The following PLEKHG3 variants were observed in gnomAD, a reference collection of about 807,000 sequenced individuals.
The protein encoded by PLEKHG3 is pleckstrin homology domain-containing family G member 3.
In PLEKHG3, 62 loss-of-function variants were observed where a neutral mutation model predicts 94.9. That is an observed-to-expected ratio of 0.65 (90% CI 0.53 to 0.81). The LOEUF (loss-of-function observed/expected upper bound fraction) is 0.81, where lower values mean the gene tolerates loss of function less well. Among genes scored for constraint, PLEKHG3 ranks in the 30% least tolerant of loss-of-function variants. The probability of loss-of-function intolerance (pLI) is 0.00; values close to 1 mark genes in which losing one functional copy is unlikely to be tolerated. For synonymous variants in PLEKHG3, 614 were observed against 654.0 expected, an observed-to-expected ratio of 0.94 and a Z score of 0.93; for missense variants, 1,461 against 1,619.3, an observed-to-expected ratio of 0.90 and a Z score of 1.68.
chr14:64,745,311 A>AGGTAGAGGCTTCAGGGCCTGGGT lies in PLEKHG3; in HGVS notation c.*1616_*1638dup, dbSNP rs2081814402. On this transcript the variant is annotated 3_prime_UTR_variant, in exon 17 of 17. Transcript: ENST00000247226. This position sits in a 1 kb window ranked among gnomAD's most constrained non-coding sequence, Gnocchi z 5.0. Reference sequence around the variant, plus strand: ...ATTTTTTTTCTAGCTGGGGCCTGGGAGGTAGAGGCTTCAGGGCCTGGGTGG... The same window carrying AGGTAGAGGCTTCAGGGCCTGGGT: ...ATTTTTTTTCTAGCTGGGGCCTGGGAGGTAGAGGCTTCAGGGCCTGGGTGGTAGAGGCTTCAGGGCCTGGGTGG... The AGGTAGAGGCTTCAGGGCCTGGGT allele has an allele frequency of 6.6e-6, 1 of 151,926 alleles. No individual in the cohort carries two copies. Among genetic ancestry groups the AGGTAGAGGCTTCAGGGCCTGGGT allele is most frequent in the African/African-American group, 2.4e-5 (1 of 41,272 alleles). The allele number at this position is 151,926 out of a possible 1,614,324, so 9.4% of individuals were successfully genotyped here.
At chr14:64,737,315 C>T (rs1371583488) in intron 13 of PLEKHG3, 41 bp from the exon 14 acceptor site, 1 of 1,572,956 alleles carries the variant, frequency 6.4e-7, no homozygotes, top group Non-Finnish European at 8.7e-7. Context: ...CTCCCCTGCC[C>T]CTCGCCCGTG....
In PLEKHG3 at chr14:64,727,869, A is replaced by G. The variant is rs772973755; in HGVS notation, c.238A>G (p.Ser80Gly). 1 of 1,613,396 alleles carries G rather than the reference A, an allele frequency of 6.2e-7. No individual in the cohort carries two copies. Among genetic ancestry groups the G allele is most frequent in the Non-Finnish European group, 8.5e-7 (1 of 1,179,568 alleles). ...NVKGPLSPFNSRAAAGPAHHK... is the reference protein window; with the variant it reads ...NVKGPLSPFNGRAAAGPAHHK... ...GAAGGGGCCCCTCTCCCCGTTCAAC[A>G]GCCGGGCAGCGGCAGGGCCTGCACA... is the stretch of plus-strand genomic sequence containing the variant. Residue 80 changes from serine to glycine, a missense_variant, in exon 2 of 17, where the codon AGC becomes GGC. Around this residue, in one of 3 missense-constraint regions of PLEKHG3, gnomAD observed 253 missense variants for 297.8 expected, o/e 0.85. Coordinates refer to ENST00000247226, the MANE Select transcript of PLEKHG3 (RefSeq NM_001308147.2). This position sits in a 1 kb window ranked among gnomAD's most constrained non-coding sequence, Gnocchi z 6.0.
At chr14:64,707,713 G>T (rs79404622) in intron 1 of PLEKHG3, among the ~76,000 whole-genome samples, 2 of 152,342 alleles carry the variant, frequency 1.3e-5, no homozygotes, top group East Asian at 1.9e-4. Context: ...TTTCTTCATC[G>T]CTGCCTTTTC....
Position 64,716,839 on chromosome 14 carries a change from C to T in PLEKHG3, c.-39-10754C>T, listed in dbSNP as rs186696042. On this transcript the variant is annotated intron_variant, in intron 1 of 16. Transcript: ENST00000247226. The surrounding 1 kb of genome is among the most constrained non-coding windows in gnomAD (Gnocchi z 5.0). ...CGGCCGTGTCTCTACACGTGTGCAC[C>T]CCAGAATTGGGATTGGGTAATACTG... Among the ~76,000 whole-genome samples the T allele has an allele frequency of 6.6e-6, 1 of 152,282 alleles. No individual in the cohort carries two copies. Among genetic ancestry groups the T allele is most frequent in the East Asian group, 1.9e-4 (1 of 5,172 alleles).
Position 64,741,416 on chromosome 14 carries a change from G to T in PLEKHG3, c.1899G>T (p.Arg633=). The T allele has an allele frequency of 3.1e-6, 5 of 1,612,784 alleles. No homozygotes were observed. Among genetic ancestry groups the T allele is most frequent in the Non-Finnish European group, 2.5e-6 (3 of 1,180,004 alleles). ...DSKSSGFGSP[R]LVSRSSSVLS... ...AGTCCAGTGGCTTTGGGAGCCCGCG[G>T]CTGGTCAGCCGGAGCAGCAGCGTGC... Residue 633 remains arginine, a synonymous_variant, in exon 16 of 17, where the codon CGG becomes CGT. Coordinates refer to ENST00000247226, the MANE Select transcript of PLEKHG3 (RefSeq NM_001308147.2).
rs2081117472 is a variant in PLEKHG3 at position 64,715,039 on chromosome 14, C to T, written c.-40+10335C>T. ...GAGACCCCGTGCAGGTTGGTACCCC[C>T]ACTGCAAGAGTGTGTGGGTGGAGAA... On this transcript the variant is annotated intron_variant, in intron 1 of 16. Coordinates refer to ENST00000247226, the MANE Select transcript of PLEKHG3 (RefSeq NM_001308147.2). The surrounding 1 kb of genome is among the most constrained non-coding windows in gnomAD (Gnocchi z 4.4). Among the ~76,000 whole-genome samples the T allele has an allele frequency of 6.6e-6, 1 of 152,094 alleles. No individual in the cohort carries two copies. The highest frequency in any genetic ancestry group is 2.1e-4 in the South Asian group (1 of 4,826).
chr14:64,727,575 C>T lies in PLEKHG3; in HGVS notation c.-39-18C>T, dbSNP rs1489138473. On this transcript the variant is annotated intron_variant, in intron 1 of 16. Transcript: ENST00000247226. The surrounding 1 kb of genome is among the most constrained non-coding windows in gnomAD (Gnocchi z 6.0). ...GGGCATTCAGAGGTTGACCCTTCAT[C>T]TGTCTGTCTTGTTGCAGAATCTCCC... is the stretch of plus-strand genomic sequence containing the variant. 3 of 758,326 alleles carry T rather than the reference C, an allele frequency of 4.0e-6. No homozygotes were observed. Among genetic ancestry groups the T allele is most frequent in the Admixed American group, 2.2e-5 (1 of 45,524 alleles). 47.0% of individuals were successfully genotyped at this position (758,326 alleles called of 1,614,324 possible). A position where few individuals can be genotyped will look rare whatever the true frequency, so the allele number is the denominator to read the frequency against.
At chr14:64,707,272 C>T (rs1192907051) in intron 1 of PLEKHG3, among the ~76,000 whole-genome samples, 1 of 152,234 alleles carries the variant, frequency 6.6e-6, no homozygotes, top group Non-Finnish European at 1.5e-5. Flanking sequence ...TTGTCAAGCT[C>T]ATCTGGGCCC....
rs2081918365 is a variant in PLEKHG3, at chr14:64,749,934, C to T, written c.*6231C>T. 6.2e-7 allele frequency: 1 copy of T among 1,613,426 alleles called. No individual in the cohort carries two copies. Among genetic ancestry groups the T allele is most frequent in the Non-Finnish European group, 8.5e-7 (1 of 1,179,554 alleles). On this transcript the variant is annotated 3_prime_UTR_variant, in exon 17 of 17. Coordinates refer to ENST00000247226, the MANE Select transcript of PLEKHG3 (RefSeq NM_001308147.2). The surrounding 1 kb of genome is among the most constrained non-coding windows in gnomAD (Gnocchi z 4.7). Reference sequence around the variant, plus strand: ...AGGGCCTCTGCCCTGCCACTAATGCCAAATCAAGCCATCAACCCGAGCTTT... The same window carrying T: ...AGGGCCTCTGCCCTGCCACTAATGCTAAATCAAGCCATCAACCCGAGCTTT...
chr14:64,747,343 G>T lies in PLEKHG3; in HGVS notation c.*3640G>T, dbSNP rs1049344137. 1 of 152,698 alleles carries T rather than the reference G, an allele frequency of 6.5e-6. No individual in the cohort carries two copies. Among genetic ancestry groups the T allele is most frequent in the East Asian group, 1.9e-4 (1 of 5,202 alleles). 9.5% of individuals were successfully genotyped at this position (152,698 alleles called of 1,614,324 possible). A position where few individuals can be genotyped will look rare whatever the true frequency, so the allele number is the denominator to read the frequency against. ...AGGACATGCCTGCAAGTGCACCAAAGGCCTACTTTATTGCTAGGTGAGTGC... is the reference window on the plus strand; with the variant it reads ...AGGACATGCCTGCAAGTGCACCAAATGCCTACTTTATTGCTAGGTGAGTGC... On this transcript the variant is annotated 3_prime_UTR_variant, in exon 17 of 17. Coordinates refer to ENST00000247226, the MANE Select transcript of PLEKHG3 (RefSeq NM_001308147.2).
At chr14:64,709,532 C>A (rs1008472578) in intron 1 of PLEKHG3, among the ~76,000 whole-genome samples, 2 of 152,066 alleles carry the variant, frequency 1.3e-5, no homozygotes, top group African/African-American at 4.8e-5. Context: ...GTGCATGCAG[C>A]CTTTTGTGAA....
At chr14:64,719,295 G>A (rs886521084) in intron 1 of PLEKHG3, among the ~76,000 whole-genome samples, 2 of 151,808 alleles carry the variant, frequency 1.3e-5, no homozygotes, top group African/African-American at 4.8e-5. Flanking sequence ...AAATCTCATT[G>A]TCTTGATGCT....
rs892114303 is a variant in PLEKHG3, at chr14:64,706,249, TG to T, written c.-40+1551del. ...GTTGAAGAGTGCGAGTCACTTGGGC[TG>T]GGGGGCCCCTTGGATTAGCCTACTT... On this transcript the variant is annotated intron_variant, in intron 1 of 16. Transcript: ENST00000247226. Among the ~76,000 whole-genome samples, 76 of 152,248 alleles carry T rather than the reference TG, an allele frequency of 5.0e-4. 1 individual carries two copies. The highest frequency in any genetic ancestry group is 6.3e-4 in the Non-Finnish European group (43 of 68,020).
At chr14:64,707,172 C>T (rs1251096710) in intron 1 of PLEKHG3, among the ~76,000 whole-genome samples, 1 of 152,230 alleles carries the variant, frequency 6.6e-6, no homozygotes, top group Admixed American at 6.5e-5. Context: ...AGAAGCCCTC[C>T]AGCGGGGGCC....
In PLEKHG3 at chr14:64,725,276, G is replaced by A. The variant is rs2081330606; in HGVS notation, c.-39-2317G>A. 6.6e-6 allele frequency among the ~76,000 whole-genome samples: 1 copy of A among 151,944 alleles called. No homozygotes were observed. The highest frequency in any genetic ancestry group is 2.1e-4 in the South Asian group (1 of 4,828). ...GCTGTGAAATCCATTTGGGAGTGGG[G>A]CCGTTTCCATTTAGCTTCCCCAGAG... On this transcript the variant is annotated intron_variant, in intron 1 of 16. Coordinates refer to ENST00000247226, the MANE Select transcript of PLEKHG3 (RefSeq NM_001308147.2). This position sits in a 1 kb window ranked among gnomAD's most constrained non-coding sequence, Gnocchi z 5.0.
rs771341387 is a variant in PLEKHG3, at chr14:64,730,679, A to G, written c.557A>G (p.Asn186Ser). 3.1e-6 allele frequency: 5 copies of G among 1,613,060 alleles called. No homozygotes were observed. The highest frequency in any genetic ancestry group is 1.7e-5 in the Admixed American group (1 of 60,030). The change falls in exon 5 of 17, where the codon AAT becomes AGT. Residue 186 changes from asparagine to serine, a missense_variant. This residue lies in a region of PLEKHG3 where 253 missense variants were observed against 297.8 expected (regional missense o/e 0.85). Coordinates refer to ENST00000247226, the MANE Select transcript of PLEKHG3 (RefSeq NM_001308147.2). The surrounding 1 kb of genome is among the most constrained non-coding windows in gnomAD (Gnocchi z 5.4). ...GATATCTACACTCAGTATTGCAACA[A>G]TTACCCCAAGTGAGTAATTGGGGTG... The part of the protein sequence containing the change: ...EFDIYTQYCN[N>S]YPNSVAALTE...
At chr14:64,734,977 C>G (rs947761561) in intron 12 of PLEKHG3, among the ~76,000 whole-genome samples, 1 of 152,148 alleles carries the variant, frequency 6.6e-6, no homozygotes, top group Admixed American at 6.5e-5. Context: ...CCACCCGCCT[C>G]GGCCTCACAG....
At chr14:64,740,394 C>T (rs1237148276) in intron 15 of PLEKHG3, among the ~76,000 whole-genome samples, 1 of 152,240 alleles carries the variant, frequency 6.6e-6, no homozygotes, top group African/African-American at 2.4e-5. Context: ...AGTTTGCTTT[C>T]TTCCTTGCCC....
At chr14:64,736,225 C>G (rs1334211007) in intron 12 of PLEKHG3, among the ~76,000 whole-genome samples, 1 of 152,260 alleles carries the variant, frequency 6.6e-6, no homozygotes, top group Non-Finnish European at 1.5e-5. Context: ...CTCAAAAAGG[C>G]TGGGGTACAC....
Sources: allele counts gnomAD v4.1 joint callset (sites outside exome capture counted in the v4.1 genomes callset), GRCh38; gene constraint gnomAD v4.1.1; regional missense constraint gnomAD v4.1.1; non-coding constraint Gnocchi (gnomAD v3.1); transcripts MANE v1.5; gene names NCBI Gene and HGNC (gene_info 2026-07-23, HGNC 2026-07-21).